CD96: variants seen among roughly 807,000 people sequenced by gnomAD.
The protein encoded by CD96 is T-cell surface protein tactile.
Under a neutral mutation model 71.3 loss-of-function variants are expected in CD96, and 70 were observed. The ratio of observed to expected loss-of-function variants is 0.98; its 90% CI spans 0.81 to 1.20. The LOEUF (loss-of-function observed/expected upper bound fraction) is 1.20. Ranked by LOEUF, CD96 falls within the 50% of genes most tolerant of loss-of-function variation. CD96 has a pLI of 0.00. For synonymous variants in CD96, 248 were observed against 233.0 expected (o/e 1.06, Z -0.59); for missense variants, 742 against 677.5 (o/e 1.10, Z -1.06).
chr3:111,551,318 A>G (rs1053976633), intron 2 of CD96, among the ~76,000 whole-genome samples: 8 of 152,170 alleles, frequency 5.3e-5, no homozygotes, highest in Non-Finnish European at 7.4e-5. Context: ...GAGTCCAGGT[A>G]TTGGAGAAGT....
intron 6 of CD96, among the ~76,000 whole-genome samples, chr3:111,600,241 C>CT (rs1287545290): frequency 6.6e-6 from 1 of 152,200 alleles, no homozygotes; most frequent in African/African-American, 2.4e-5. Context: ...AGATCAGAGA[C>CT]TACTGATATA....
At chr3:111,665,354 AC>A (rs377498861) in intron 14 of CD96, among the ~76,000 whole-genome samples, 65 of 152,230 alleles carry the variant, frequency 4.3e-4, no homozygotes, top group African/African-American at 1.5e-3. Context: ...CAAGACTGCA[AC>A]CTTTTTACAG....
intron 2 of CD96, among the ~76,000 whole-genome samples, chr3:111,554,517 T>G (rs976285787): frequency 6.6e-6 from 1 of 152,142 alleles, no homozygotes; most frequent in African/African-American, 2.4e-5. Flanking sequence ...TTTTCTTTTT[T>G]TGCAACTTGC....
intron 12 of CD96, among the ~76,000 whole-genome samples, chr3:111,640,931 CA>C (rs1939560006): frequency 6.6e-6 from 1 of 152,152 alleles, no homozygotes; most frequent in Non-Finnish European, 1.5e-5. Context: ...TTCACACAAA[CA>C]AATCCTGGGA....
intron 2 of CD96, among the ~76,000 whole-genome samples, chr3:111,548,285 G>A (rs977120901): frequency 1.3e-5 from 2 of 152,156 alleles, no homozygotes; most frequent in Admixed American, 1.3e-4. Flanking sequence ...CACAGTGTGT[G>A]TCTAAATCCT....
chr3:111,641,341 G>A (rs1381296386), intron 12 of CD96, among the ~76,000 whole-genome samples: 1 of 152,210 alleles, frequency 6.6e-6, no homozygotes. Context: ...GCGAGCAGGG[G>A]TAGCTATTCT....
intron 13 of CD96, 95 bp from the exon 14 acceptor site, chr3:111,649,602 TG>T: frequency 1.2e-6 from 1 of 835,526 alleles, no homozygotes; most frequent in Non-Finnish European, 2.1e-6. Flanking sequence ...CTCATCAATC[TG>T]TGTTCTCCTT....
intron 14 of CD96, among the ~76,000 whole-genome samples, chr3:111,664,731 A>G (rs769943782): frequency 2.6e-5 from 4 of 152,246 alleles, no homozygotes; most frequent in Non-Finnish European, 5.9e-5. Context: ...ATGTCAATAT[A>G]AAGAAAGGCT....
chr3:111,577,744 C>T (rs1160362149), intron 3 of CD96, among the ~76,000 whole-genome samples: 1 of 152,142 alleles, frequency 6.6e-6, no homozygotes, highest in African/African-American at 2.4e-5. Context: ...TACCTTAGTC[C>T]ATCCTCTGTT....
intron 2 of CD96, among the ~76,000 whole-genome samples, chr3:111,553,527 G>A (rs1934835098): frequency 6.6e-6 from 1 of 150,414 alleles, no homozygotes; most frequent in Admixed American, 6.7e-5. Context: ...AGAGCCACTG[G>A]TGAGCCTTGC....
intron 8 of CD96, among the ~76,000 whole-genome samples, chr3:111,610,085 A>G (rs116350563): frequency 0.01 from 1,595 of 152,344 alleles, 35 homozygotes; most frequent in African/African-American, 0.036. Flanking sequence ...TACAGTAGGT[A>G]TCTCTTACTT....
chr3:111,612,201 G>T (rs921304271), intron 8 of CD96, among the ~76,000 whole-genome samples: 23 of 152,180 alleles, frequency 1.5e-4, no homozygotes, highest in Non-Finnish European at 3.2e-4. Context: ...AAGACTAAAT[G>T]ATATAGATTT....
intron 4 of CD96, among the ~76,000 whole-genome samples, chr3:111,581,476 G>A (rs1936464799): frequency 6.6e-6 from 1 of 152,112 alleles, no homozygotes; most frequent in African/African-American, 2.4e-5. Flanking sequence ...CCTAAACCCA[G>A]CATATTTCTT....
chr3:111,594,739 C>G (rs1181746403), intron 5 of CD96: 1 of 167,508 alleles, frequency 6.0e-6, no homozygotes, highest in Non-Finnish European at 1.5e-5. Flanking sequence ...CTCACTGGGT[C>G]TTGCTCAAAG....
intron 2 of CD96, among the ~76,000 whole-genome samples, chr3:111,557,487 C>G (rs1167753588): frequency 2.5e-5 from 3 of 117,850 alleles, no homozygotes; most frequent in African/African-American, 3.5e-5. Context: ...GCTTGTTTTT[C>G]TCAGGTTTGT....
intron 10 of CD96, among the ~76,000 whole-genome samples, chr3:111,630,326 A>G (rs1938996369): frequency 6.6e-6 from 1 of 152,208 alleles, no homozygotes; most frequent in Non-Finnish European, 1.5e-5. Context: ...TAAGAGGGAT[A>G]TTACCACTGA....
chr3:111,583,053 G>A (rs903550615), intron 4 of CD96, among the ~76,000 whole-genome samples: 1 of 152,214 alleles, frequency 6.6e-6, no homozygotes, highest in South Asian at 2.1e-4. Flanking sequence ...CTATGAGCCT[G>A]TAAAATCAAA....
chr3:111,624,844 C>A (rs1486288841), intron 10 of CD96, among the ~76,000 whole-genome samples: 1 of 152,238 alleles, frequency 6.6e-6, no homozygotes, highest in Non-Finnish European at 1.5e-5. Flanking sequence ...AGAGAGAGAC[C>A]AACGTGAGTC....
At chr3:111,632,095 G>A (rs1016255796) in intron 10 of CD96, among the ~76,000 whole-genome samples, 1 of 152,104 alleles carries the variant, frequency 6.6e-6, no homozygotes, top group Non-Finnish European at 1.5e-5. Context: ...AAAAGCAATT[G>A]CAACAAAAAC....
Sources: allele counts gnomAD v4.1 joint callset (sites outside exome capture counted in the v4.1 genomes callset), GRCh38; gene constraint gnomAD v4.1.1; transcripts MANE v1.5; gene names NCBI Gene and HGNC (gene_info 2026-07-23, HGNC 2026-07-21).